PEMT: variants seen among roughly 807,000 people sequenced by gnomAD.
PEMT encodes phosphatidylethanolamine N-methyltransferase, also known as phospholipid methyltransferase.
PEMT carries 23 observed loss-of-function variants against 27.4 expected under a neutral mutation model. The ratio of observed to expected loss-of-function variants is 0.84; its 90% CI spans 0.60 to 1.19. The LOEUF (loss-of-function observed/expected upper bound fraction) is 1.19, where lower values mean the gene tolerates loss of function less well. Ranked by LOEUF, PEMT falls within the 50% of genes most tolerant of loss-of-function variation. PEMT has a pLI of 0.00. For missense variants in PEMT, 307 were observed against 310.1 expected, an observed-to-expected ratio of 0.99 and a Z score of 0.07; for synonymous variants, 137 against 139.1, an observed-to-expected ratio of 0.98 and a Z score of 0.11.
At chr17:17,554,666 AGT>A (rs1206779710) in intron 2 of PEMT, among the ~76,000 whole-genome samples, 1 of 151,942 alleles carries the variant, frequency 6.6e-6, no homozygotes, top group African/African-American at 2.4e-5. Context: ...CCCAGGCTGG[AGT>A]GTAGTGACAG....
intron 2 of PEMT, among the ~76,000 whole-genome samples, chr17:17,524,039 T>C (rs1907484168): frequency 6.6e-6 from 1 of 152,182 alleles, no homozygotes; most frequent in Non-Finnish European, 1.5e-5. Context: ...GTCTGGCTGC[T>C]TTGACTTTAT....
intron 5 of PEMT, 95 bp downstream of exon 5, chr17:17,509,339 C>G (rs1367571180): frequency 5.2e-6 from 4 of 769,098 alleles, no homozygotes. Context: ...TCCTTTCTCT[C>G]TCTCCAGGGG....
At chr17:17,508,161 G>A (rs1457899889) in intron 5 of PEMT, 1 of 152,618 alleles carries the variant, frequency 6.6e-6, no homozygotes, top group East Asian at 1.9e-4. Context: ...GGAGAGGGGG[G>A]AGCCAGGTGT....
chr17:17,547,302 G>A (rs940689689), intron 2 of PEMT, among the ~76,000 whole-genome samples: 5 of 152,250 alleles, frequency 3.3e-5, no homozygotes, highest in Non-Finnish European at 5.9e-5. Context: ...GGTAGCTATG[G>A]AGGGCTGCCA....
At chr17:17,589,293 A>ATTTT (rs1567762815) in intron 1 of PEMT, among the ~76,000 whole-genome samples, 4 of 93,904 alleles carry the variant, frequency 4.3e-5, no homozygotes, top group South Asian at 2.7e-4. Context: ...TTTTTTTTTA[A>ATTTT]AAACAAAAGC....
chr17:17,512,504 C>A lies in PEMT; in HGVS notation c.466+5G>T. 1 of 1,588,766 alleles carries A rather than the reference C, an allele frequency of 6.3e-7. No individual in the cohort carries two copies. The highest frequency in any genetic ancestry group is 1.1e-5 in the South Asian group (1 of 87,072). On this transcript the variant is annotated splice_donor_5th_base_variant and intron_variant, in intron 4 of 6. Transcript: ENST00000255389. This position sits in a 1 kb window ranked among gnomAD's most constrained non-coding sequence, Gnocchi z 6.3. ...TCAGGGTCACCCCAGCCCTCAGGGT[C>A]TTACCTAGGAAAGTTCCAGCGAACC...
intron 1 of PEMT, among the ~76,000 whole-genome samples, chr17:17,577,711 C>T (rs1455395156): frequency 1.3e-5 from 2 of 151,182 alleles, no homozygotes; most frequent in East Asian, 3.9e-4. Flanking sequence ...AGCAGCTAAA[C>T]TACAGCAGTT....
chr17:17,538,653 C>A (rs561968077), intron 2 of PEMT, among the ~76,000 whole-genome samples: 12 of 152,242 alleles, frequency 7.9e-5, no homozygotes, highest in Non-Finnish European at 1.6e-4. Flanking sequence ...AGGCTTTCTA[C>A]TGCATTTATG....
At chr17:17,509,412 G>A (rs757277925) in intron 5 of PEMT, 22 bp downstream of exon 5, 17 of 1,499,724 alleles carry the variant, frequency 1.1e-5, no homozygotes, top group South Asian at 5.7e-5. Context: ...CAGGGCAGAG[G>A]GGTGGCAAGC....
At chr17:17,541,732 G>A (rs185310590) in intron 2 of PEMT, among the ~76,000 whole-genome samples, 1 of 152,374 alleles carries the variant, frequency 6.6e-6, no homozygotes, top group Admixed American at 6.5e-5. Flanking sequence ...GCCCAAGAAG[G>A]CTCCTCAGCG....
At position 17,576,557 on chromosome 17, in the gene PEMT, C is replaced by A. The variant is rs70959688; in HGVS notation, c.204+363G>T. 6.3e-3 allele frequency among the ~76,000 whole-genome samples: 954 copies of A among 152,320 alleles called. 11 individuals are homozygous for A. Among genetic ancestry groups the A allele is most frequent in the African/African-American group, 0.021 (871 of 41,564 alleles). Reference sequence around the variant, plus strand: ...TGACATGGCAGAGAGGGAAGAGAGCCCCTACTTCCTGGGCAACCCACTTCA... The same window carrying A: ...TGACATGGCAGAGAGGGAAGAGAGCACCTACTTCCTGGGCAACCCACTTCA... On this transcript the variant is annotated intron_variant, in intron 2 of 6. Coordinates refer to ENST00000255389, the MANE Select transcript of PEMT (RefSeq NM_148172.3).
intron 2 of PEMT, among the ~76,000 whole-genome samples, chr17:17,548,483 G>T (rs1020011133): frequency 6.6e-6 from 1 of 152,228 alleles, no homozygotes; most frequent in Non-Finnish European, 1.5e-5. Context: ...GAAGCTCCTC[G>T]AGGCATCAGA....
chr17:17,525,270 C>G (rs913709253), intron 2 of PEMT, among the ~76,000 whole-genome samples: 1 of 152,152 alleles, frequency 6.6e-6, no homozygotes. Context: ...CTAACGACAA[C>G]AGAAAAGCAT....
intron 3 of PEMT, among the ~76,000 whole-genome samples, chr17:17,518,643 G>A (rs1052766967): frequency 1.3e-5 from 2 of 152,174 alleles, no homozygotes; most frequent in African/African-American, 2.4e-5. Context: ...GTGGCCTCTC[G>A]GACATCCCAT....
chr17:17,528,971 C>T (rs552235408), intron 2 of PEMT, among the ~76,000 whole-genome samples: 78 of 152,358 alleles, frequency 5.1e-4, no homozygotes, highest in Admixed American at 7.2e-4. Context: ...TTCATGTGCA[C>T]GCCAAGTGCT....
At chr17:17,574,352 C>T (rs1911432768) in intron 2 of PEMT, among the ~76,000 whole-genome samples, 1 of 139,058 alleles carries the variant, frequency 7.2e-6, no homozygotes, top group African/African-American at 2.7e-5. Context: ...CAGAGTCTCA[C>T]TCTGTTACCC....
Position 17,512,519 on chromosome 17 carries a change from T to A in PEMT, c.456A>T (p.Gly152=). 6.2e-7 allele frequency: 1 copy of A among 1,600,178 alleles called. No homozygotes were observed. Among genetic ancestry groups the A allele is most frequent in the Non-Finnish European group, 8.5e-7 (1 of 1,172,412 alleles). ...LSSFFALGFA[G]TFLGDYFGIL... ...CCCTCAGGGTCTTACCTAGGAAAGT[T>A]CCAGCGAACCCCAGTGCAAAGAAGC... The change falls in exon 4 of 7, where the codon GGA becomes GGT. Residue 152 remains glycine (G), a synonymous_variant. Coordinates refer to ENST00000255389, the MANE Select transcript of PEMT (RefSeq NM_148172.3). The surrounding 1 kb of genome is among the most constrained non-coding windows in gnomAD (Gnocchi z 6.3).
intron 2 of PEMT, among the ~76,000 whole-genome samples, chr17:17,557,888 A>G (rs1910172362): frequency 6.6e-6 from 1 of 152,168 alleles, no homozygotes; most frequent in African/African-American, 2.4e-5. Flanking sequence ...CTAGGAGGAA[A>G]TGGCATCTCT....
chr17:17,520,958 T>C (rs892944898), intron 3 of PEMT, among the ~76,000 whole-genome samples: 8 of 152,328 alleles, frequency 5.3e-5, no homozygotes, highest in Non-Finnish European at 7.4e-5. Context: ...GGTGAGTGTG[T>C]GAGGGGCCTG....
Sources: allele counts gnomAD v4.1 joint callset (sites outside exome capture counted in the v4.1 genomes callset), GRCh38; gene constraint gnomAD v4.1.1; non-coding constraint Gnocchi (gnomAD v3.1); transcripts MANE v1.5; gene names NCBI Gene and HGNC (gene_info 2026-07-23, HGNC 2026-07-21).